The following XRRA1 variants were observed in gnomAD, a reference collection of about 807,000 sequenced individuals.
The protein encoded by XRRA1 is X-ray radiation resistance-associated protein 1.
A neutral mutation model predicts 80.2 loss-of-function variants in XRRA1; 69 were observed. The observed-to-expected ratio is 0.86, with a 90% CI of 0.71 to 1.05. The LOEUF (loss-of-function observed/expected upper bound fraction) is 1.05, where lower values mean the gene tolerates loss of function less well. XRRA1 is among the 50% of genes least tolerant of loss of function. The probability of loss-of-function intolerance (pLI) is 0.00; values close to 1 mark genes in which losing one functional copy is unlikely to be tolerated. For synonymous variants in XRRA1, 348 were observed against 389.9 expected, an observed-to-expected ratio of 0.89 and a Z score of 1.27; for missense variants, 967 against 976.4, an observed-to-expected ratio of 0.99 and a Z score of 0.13.
chr11:74,926,958 A>G (rs1215713995), intron 7 of XRRA1, among the ~76,000 whole-genome samples: 2 of 151,318 alleles, frequency 1.3e-5, no homozygotes, highest in Admixed American at 1.3e-4. Context: ...CTCTGGAATC[A>G]GTCTATAATG....
In XRRA1 at chr11:74,868,890, T is replaced by TA. The variant is rs1220260821; in HGVS notation, c.1004-5870dup. ...ACATATAAAGAGACTTGGATAAACA[T>TA]ACGATAATTGTGCAGGACATGAATA... On this transcript the variant is annotated intron_variant, in intron 10 of 18. Coordinates refer to ENST00000684022, the MANE Select transcript of XRRA1 (RefSeq NM_001378157.1). Among the ~76,000 whole-genome samples, 4 of 152,020 alleles carry TA rather than the reference T, an allele frequency of 2.6e-5. No individual in the cohort carries two copies. The East Asian group carries it at 7.7e-4, about 29-fold the overall frequency.
chr11:74,856,802 CATAGTT>C lies in XRRA1; in HGVS notation c.1170+2350_1170+2355del, dbSNP rs1298895400. 2.0e-5 allele frequency among the ~76,000 whole-genome samples: 3 copies of C among 152,246 alleles called. No individual in the cohort carries two copies. The East Asian group carries it at 5.8e-4, about 29-fold the overall frequency. The stretch of plus-strand genomic sequence containing the variant: ...GCAGGGGGCCTTACCAACCCTTCTC[CATAGTT>C]AACGAAAGCCTTCAGTTGCTGAGGA... On this transcript the variant is annotated intron_variant, in intron 12 of 18. Coordinates refer to ENST00000684022, the MANE Select transcript of XRRA1 (RefSeq NM_001378157.1).
chr11:74,864,472 G>A (rs866257335), intron 10 of XRRA1, among the ~76,000 whole-genome samples: 3 of 152,166 alleles, frequency 2.0e-5, no homozygotes, highest in Admixed American at 6.5e-5. Flanking sequence ...AGGAGTTTTT[G>A]AAACCCTGGT....
intron 3 of XRRA1, among the ~76,000 whole-genome samples, chr11:74,938,224 G>C (rs1465621592): frequency 6.6e-6 from 1 of 152,194 alleles, no homozygotes; most frequent in Non-Finnish European, 1.5e-5. Flanking sequence ...TGACAATCCT[G>C]CTTCTTGGAT....
chr11:74,933,855 C>T lies in XRRA1; in HGVS notation c.297G>A (p.Val99=), dbSNP rs1021399818. The change falls in exon 5 of 19, where the codon GTG becomes GTA. Residue 99 remains valine (V), a synonymous_variant. Transcript: ENST00000684022. ...DQAFLLKHHC[V]RKPSDLCTIN... ...TGGTGCACAGATCTGATGGCTTCCT[C>T]ACACAGTGGTGCTTCAGCTGGAACA... 2.5e-6 allele frequency: 4 copies of T among 1,604,900 alleles called. No homozygotes were observed. In the African/African-American group the frequency reaches 5.3e-5, roughly 21 times the overall value.
chr11:74,854,117 G>GA (rs1202572628), intron 12 of XRRA1, among the ~76,000 whole-genome samples: 1 of 152,192 alleles, frequency 6.6e-6, no homozygotes, highest in South Asian at 2.1e-4. Flanking sequence ...ACAATTTGAA[G>GA]AAAAAATTTA....
intron 14 of XRRA1, 112 bp from the exon 15 acceptor site, chr11:74,848,574 G>A: frequency 3.2e-6 from 3 of 947,386 alleles, no homozygotes; most frequent in Middle Eastern, 2.6e-4. Flanking sequence ...GGTACGGACT[G>A]AGGCGGGGGT....
At chr11:74,940,983 C>T in intron 2 of XRRA1, 101 bp from the exon 3 acceptor site, 2 of 786,886 alleles carry the variant, frequency 2.5e-6, no homozygotes, top group East Asian at 5.4e-5. Context: ...GACCACCACA[C>T]CCGCACACAC....
chr11:74,905,232 C>G (rs1224095328), intron 10 of XRRA1, among the ~76,000 whole-genome samples: 1 of 152,026 alleles, frequency 6.6e-6, no homozygotes, highest in Non-Finnish European at 1.5e-5. Context: ...GAGATAGGGT[C>G]TCGTTCTGTC....
chr11:74,906,905 T>C (rs2054722926), intron 9 of XRRA1: 2 of 498,834 alleles, frequency 4.0e-6, no homozygotes, highest in Non-Finnish European at 6.9e-6. Context: ...TCCTCCTGTT[T>C]TCCTTTCTCT....
chr11:74,926,358 C>A (rs150008928), intron 7 of XRRA1, among the ~76,000 whole-genome samples: 1 of 152,308 alleles, frequency 6.6e-6, no homozygotes, highest in African/African-American at 2.4e-5. Context: ...TTAAGTGAGG[C>A]TTTTGTGAAG....
intron 8 of XRRA1, among the ~76,000 whole-genome samples, chr11:74,920,915 G>A (rs75007627): frequency 0.011 from 1,628 of 152,268 alleles, 15 homozygotes; most frequent in Non-Finnish European, 0.017. Context: ...TAGAGACCAG[G>A]GAACAGACTT....
chr11:74,857,953 G>T (rs2041499285), intron 12 of XRRA1, among the ~76,000 whole-genome samples: 1 of 152,206 alleles, frequency 6.6e-6, no homozygotes, highest in South Asian at 2.1e-4. Flanking sequence ...CTCAGCTAAA[G>T]CAGTGCTTGG....
chr11:74,894,431 G>A (rs887590972), intron 10 of XRRA1, among the ~76,000 whole-genome samples: 2 of 152,090 alleles, frequency 1.3e-5, no homozygotes, highest in Non-Finnish European at 2.9e-5. Flanking sequence ...ATTGCTATAA[G>A]AACTGCCTGA....
intron 10 of XRRA1, among the ~76,000 whole-genome samples, chr11:74,870,705 G>A (rs534738354): frequency 2.0e-5 from 3 of 152,112 alleles, no homozygotes; most frequent in Non-Finnish European, 4.4e-5. Context: ...TCTCCATGAG[G>A]TACCTTGTCA....
chr11:74,848,118 G>A lies in XRRA1; in HGVS notation c.1725C>T (p.Thr575=). The A allele has an allele frequency of 1.2e-6, 2 of 1,606,684 alleles. No individual in the cohort carries two copies. Among genetic ancestry groups the A allele is most frequent in the Non-Finnish European group, 1.7e-6 (2 of 1,178,406 alleles). ...DSKSTESIFL[T]QVSELPSSVI... ...AGGGGCAGCTGGATACAGGTACCTG[G>A]GTCAGGAAGATGGACTCTGTGCTCT... Residue 575 remains threonine, a synonymous_variant, in exon 15 of 19, where the codon ACC becomes ACT. Coordinates refer to ENST00000684022, the MANE Select transcript of XRRA1 (RefSeq NM_001378157.1).
intron 10 of XRRA1, among the ~76,000 whole-genome samples, chr11:74,865,540 C>T (rs2043215029): frequency 6.6e-6 from 1 of 151,904 alleles, no homozygotes; most frequent in Admixed American, 6.5e-5. Flanking sequence ...CACCAGCCTC[C>T]ATCCCACGGC....
In XRRA1 at chr11:74,845,070, T is replaced by A; in HGVS notation, c.1927+3A>T. The A allele has an allele frequency of 6.2e-7, 1 of 1,613,094 alleles. No homozygotes were observed. Among genetic ancestry groups the A allele is most frequent in the East Asian group, 2.2e-5 (1 of 44,890 alleles). ...CCTAGAGCAAGGATATGCCCTCACA[T>A]ACCCTTTGGCTCAATGAAGGCTGGA... On this transcript the variant is annotated splice_donor_region_variant and intron_variant, in intron 16 of 18. Transcript: ENST00000684022.
chr11:74,912,880 C>T (rs1165073505), intron 8 of XRRA1, among the ~76,000 whole-genome samples: 2 of 152,170 alleles, frequency 1.3e-5, no homozygotes, highest in Non-Finnish European at 2.9e-5. Context: ...AGATATAGAA[C>T]ATTTCCAACA....
Sources: gnomAD v4.1 joint callset for allele counts (sites outside exome capture counted in the v4.1 genomes callset) on GRCh38, gnomAD v4.1.1 for gene constraint, MANE v1.5 for transcripts, NCBI Gene and HGNC (gene_info 2026-07-23, HGNC 2026-07-21) for gene names.